The following DRD2 variants were observed in gnomAD, a reference collection of about 807,000 sequenced individuals.
DRD2 encodes D(2) dopamine receptor.
A neutral mutation model predicts 38.0 loss-of-function variants in DRD2; 8 were observed. That is an observed-to-expected ratio of 0.21 (90% CI 0.12 to 0.38). The LOEUF (loss-of-function observed/expected upper bound fraction) is 0.38, where lower values mean the gene tolerates loss of function less well. DRD2 is among the 10% of genes least tolerant of loss of function. The pLI, the probability that DRD2 is intolerant of heterozygous loss-of-function variation, is 1.00. For missense variants in DRD2, 403 were observed against 607.7 expected (o/e 0.66, Z 3.54); for synonymous variants, 230 against 238.6 (o/e 0.96, Z 0.33).
At chr11:113,451,585 G>T (rs1452928528) in intron 1 of DRD2, among the ~76,000 whole-genome samples, 1 of 152,076 alleles carries the variant, frequency 6.6e-6, no homozygotes, top group Non-Finnish European at 1.5e-5. Flanking sequence ...TCTGCTTCCG[G>T]GTTCAAGTGA....
At chr11:113,467,474 C>A (rs1232194698) in intron 1 of DRD2, among the ~76,000 whole-genome samples, 1 of 152,210 alleles carries the variant, frequency 6.6e-6, no homozygotes, top group Non-Finnish European at 1.5e-5. Context: ...AAGAATGACT[C>A]CAGAAGCTGC....
intron 1 of DRD2, among the ~76,000 whole-genome samples, chr11:113,447,250 C>T (rs1325429872): frequency 6.6e-6 from 1 of 152,200 alleles, no homozygotes; most frequent in African/African-American, 2.4e-5. Context: ...CCTGCTGCTG[C>T]TGCCCTGGAA....
intron 1 of DRD2, chr11:113,424,932 T>G (rs1245158264): frequency 4.0e-6 from 2 of 504,244 alleles, no homozygotes; most frequent in East Asian, 7.2e-5. Context: ...TGAACAGAGC[T>G]GATCCATCAT....
At chr11:113,472,051 C>T (rs1283833974) in intron 1 of DRD2, among the ~76,000 whole-genome samples, 1 of 152,176 alleles carries the variant, frequency 6.6e-6, no homozygotes, top group Non-Finnish European at 1.5e-5. Context: ...GTTGGAGATT[C>T]ATAGGTATTA....
At chr11:113,446,293 G>A (rs1413427134) in intron 1 of DRD2, among the ~76,000 whole-genome samples, 1 of 152,124 alleles carries the variant, frequency 6.6e-6, no homozygotes, top group African/African-American at 2.4e-5. Flanking sequence ...CTGCTGAAAA[G>A]ACCAGTTTCT....
In DRD2 at chr11:113,412,677, C is replaced by T; in HGVS notation, c.1017G>A (p.Lys339=). The change falls in exon 7 of 8, where the codon AAG becomes AAA. Residue 339 remains lysine (K), a synonymous_variant. Coordinates refer to ENST00000362072, the MANE Select transcript of DRD2 (RefSeq NM_000795.4). ...TGGGCATGGTCTGGATCTCAAAGAT[C>T]TTGGCAATCTTGGGGTGGTCTTTGG... The part of the protein sequence containing the change: ...GHAKDHPKIA[K]IFEIQTMPNG... 1 of 1,614,220 alleles carries T rather than the reference C, an allele frequency of 6.2e-7. No homozygotes were observed. The highest frequency in any genetic ancestry group is 8.5e-7 in the Non-Finnish European group (1 of 1,180,052).
intron 1 of DRD2, among the ~76,000 whole-genome samples, chr11:113,432,673 T>C (rs77386714): frequency 3.0e-4 from 46 of 151,740 alleles, no homozygotes; most frequent in Non-Finnish European, 5.4e-4. Flanking sequence ...CCTACTGGAG[T>C]GACTTGAGTT....
chr11:113,418,190 G>A lies in DRD2; in HGVS notation c.286-54C>T, dbSNP rs547324394. Reference sequence around the variant, plus strand: ...CAGCAGGAGTGGGAGATTAGCTTAGGTCCTGTAGCCTGGTACTCCTGGAGC... The same window carrying A: ...CAGCAGGAGTGGGAGATTAGCTTAGATCCTGTAGCCTGGTACTCCTGGAGC... On this transcript the variant is annotated intron_variant, in intron 2 of 7. Transcript: ENST00000362072. 17 of 1,467,962 alleles carry A rather than the reference G, an allele frequency of 1.2e-5. No homozygotes were observed. In the East Asian group the frequency reaches 3.6e-4, roughly 31 times the overall value. 90.9% of individuals were successfully genotyped at this position (1,467,962 alleles called of 1,614,324 possible). A position where few individuals can be genotyped will look rare whatever the true frequency, so the allele number is the denominator to read the frequency against.
intron 1 of DRD2, among the ~76,000 whole-genome samples, chr11:113,436,490 A>G (rs1178723853): frequency 1.3e-5 from 2 of 152,216 alleles, no homozygotes; most frequent in East Asian, 3.8e-4. Context: ...TAGATTTTTT[A>G]TGATATTCAG....
At chr11:113,455,686 T>C (rs1951262584) in intron 1 of DRD2, among the ~76,000 whole-genome samples, 1 of 152,158 alleles carries the variant, frequency 6.6e-6, no homozygotes, top group African/African-American at 2.4e-5. Context: ...TTTTTAAAAA[T>C]GCTCAACATC....
intron 1 of DRD2, among the ~76,000 whole-genome samples, chr11:113,442,561 T>C (rs1430370286): frequency 1.3e-5 from 2 of 152,158 alleles, no homozygotes; most frequent in Non-Finnish European, 2.9e-5. Flanking sequence ...GCCTGGAGAC[T>C]TCAGCCCTGT....
chr11:113,463,025 C>G (rs1337021931), intron 1 of DRD2, among the ~76,000 whole-genome samples: 3 of 152,088 alleles, frequency 2.0e-5, no homozygotes, highest in South Asian at 2.1e-4. Context: ...AGCATATGCA[C>G]GTCACGTGAT....
At chr11:113,424,262 C>T in intron 2 of DRD2, 105 bp downstream of exon 2, 2 of 1,292,466 alleles carry the variant, frequency 1.5e-6, no homozygotes, top group Admixed American at 2.0e-5. Context: ...CCTGGGGAAG[C>T]ACCAGGAAAC....
At chr11:113,412,953 G>GC (rs1950784592) in intron 6 of DRD2, 70 bp from the exon 7 acceptor site, 4 of 1,502,124 alleles carry the variant, frequency 2.7e-6, no homozygotes, top group Middle Eastern at 2.3e-4. Context: ...CATCTCACTG[G>GC]CCCCTCCCTT....
At chr11:113,448,097 C>T (rs1951170105) in intron 1 of DRD2, among the ~76,000 whole-genome samples, 1 of 152,146 alleles carries the variant, frequency 6.6e-6, no homozygotes, top group South Asian at 2.1e-4. Context: ...GACCTTCAGG[C>T]TAGGAAGTCA....
At position 113,414,196 on chromosome 11, in the gene DRD2, G is replaced by A. The variant is rs546006269; in HGVS notation, c.810+179C>T. On this transcript the variant is annotated intron_variant, in intron 6 of 7. Coordinates refer to ENST00000362072, the MANE Select transcript of DRD2 (RefSeq NM_000795.4). Reference sequence around the variant, plus strand: ...CACATCCATGCCTTGCAGAACCGAGGTGTCTCACTTCATGCCTGCTTGGAG... The same window carrying A: ...CACATCCATGCCTTGCAGAACCGAGATGTCTCACTTCATGCCTGCTTGGAG... 3 of 727,412 alleles carry A rather than the reference G, an allele frequency of 4.1e-6. No individual in the cohort carries two copies. The Admixed American group carries it at 5.5e-5, about 13-fold the overall frequency. 45.1% of individuals were successfully genotyped at this position (727,412 alleles called of 1,614,324 possible).
intron 1 of DRD2, among the ~76,000 whole-genome samples, chr11:113,445,385 ACT>A (rs1471314589): frequency 8.5e-5 from 13 of 152,144 alleles, no homozygotes; most frequent in African/African-American, 3.1e-4. Context: ...GTATAGGGGA[ACT>A]CTCTGCACTA....
chr11:113,446,234 A>AC (rs1255587062), intron 1 of DRD2, among the ~76,000 whole-genome samples: 1 of 151,760 alleles, frequency 6.6e-6, no homozygotes, highest in Non-Finnish European at 1.5e-5. Context: ...CATGGATCCC[A>AC]CCCTAGTTCC....
At chr11:113,414,143 C>T (rs1419525464) in intron 6 of DRD2, 16 of 590,290 alleles carry the variant, frequency 2.7e-5, no homozygotes, top group East Asian at 8.7e-5. Flanking sequence ...ATTTTTATTA[C>T]GTTGGTATGG....
Sources: allele counts gnomAD v4.1 joint callset (sites outside exome capture counted in the v4.1 genomes callset), GRCh38; gene constraint gnomAD v4.1.1; transcripts MANE v1.5; gene names NCBI Gene and HGNC (gene_info 2026-07-23, HGNC 2026-07-21).